PTPRD: variants seen among roughly 807,000 people sequenced by gnomAD.
PTPRD encodes the protein receptor-type tyrosine-protein phosphatase delta.
PTPRD carries 34 observed loss-of-function variants against 214.5 expected under a neutral mutation model. The ratio of observed to expected loss-of-function variants is 0.16; its 90% CI spans 0.12 to 0.21. The LOEUF is 0.21. Ranked by LOEUF, PTPRD falls within the 10% of genes least tolerant of loss-of-function variation. PTPRD has a pLI of 1.00. For missense variants in PTPRD, 2,545 were observed against 2,398.7 expected (o/e 1.06, Z -1.27); for synonymous variants, 1,128 against 845.7 (o/e 1.33, Z -5.79).
chr9:9,157,059 C>T (rs1401348957), intron 10 of PTPRD, among the ~76,000 whole-genome samples: 1 of 152,142 alleles, frequency 6.6e-6, no homozygotes, highest in East Asian at 1.9e-4. Context: ...TATTAATCTC[C>T]ACTCTGTGAC....
chr9:9,010,462 T>C (rs1039924267), intron 11 of PTPRD, among the ~76,000 whole-genome samples: 2 of 152,202 alleles, frequency 1.3e-5, no homozygotes, highest in Non-Finnish European at 2.9e-5. Context: ...TGTGGCTTCT[T>C]GTTAGTTCAG....
chr9:9,069,593 C>G (rs1467507903), intron 10 of PTPRD, among the ~76,000 whole-genome samples: 1 of 152,162 alleles, frequency 6.6e-6, no homozygotes. Flanking sequence ...TGTATTGAGG[C>G]CTTCAAGCCA....
At chr9:9,120,177 G>T (rs533326450) in intron 10 of PTPRD, among the ~76,000 whole-genome samples, 3 of 152,178 alleles carry the variant, frequency 2.0e-5, no homozygotes, top group African/African-American at 7.2e-5. Context: ...CATCTTGAAG[G>T]CTTTTGGAAG....
At chr9:8,613,190 A>G (rs1378142808) in intron 14 of PTPRD, among the ~76,000 whole-genome samples, 1 of 152,170 alleles carries the variant, frequency 6.6e-6, no homozygotes, top group Non-Finnish European at 1.5e-5. Flanking sequence ...GTTACTTTTG[A>G]ATAGACTGAA....
chr9:9,269,518 A>G (rs1468340419), intron 9 of PTPRD, among the ~76,000 whole-genome samples: 1 of 151,498 alleles, frequency 6.6e-6, no homozygotes, highest in Non-Finnish European at 1.5e-5. Context: ...TCTCCTAAAT[A>G]AATAAAATTG....
At chr9:10,162,599 T>A (rs1023165895) in intron 3 of PTPRD, among the ~76,000 whole-genome samples, 1 of 149,682 alleles carries the variant, frequency 6.7e-6, no homozygotes, top group East Asian at 2.0e-4. Flanking sequence ...GAACTAACAG[T>A]TTTATACGTA....
At chr9:9,050,798 T>C (rs2099683600) in intron 10 of PTPRD, among the ~76,000 whole-genome samples, 1 of 152,174 alleles carries the variant, frequency 6.6e-6, no homozygotes, top group African/African-American at 2.4e-5. Context: ...TTATAATTGT[T>C]CTATTTTATT....
chr9:9,988,041 G>A (rs936552407), intron 4 of PTPRD, among the ~76,000 whole-genome samples: 2 of 152,046 alleles, frequency 1.3e-5, no homozygotes, highest in African/African-American at 4.8e-5. Context: ...TTATGCACTT[G>A]TCTGCTTTTA....
At chr9:10,523,948 G>C (rs1264150408) in intron 2 of PTPRD, among the ~76,000 whole-genome samples, 2 of 151,830 alleles carry the variant, frequency 1.3e-5, no homozygotes, top group African/African-American at 4.8e-5. Flanking sequence ...TTAAACAACC[G>C]AAATATATTT....
chr9:8,342,639 G>A (rs930187637), intron 39 of PTPRD, among the ~76,000 whole-genome samples: 2 of 151,958 alleles, frequency 1.3e-5, no homozygotes, highest in African/African-American at 4.8e-5. Flanking sequence ...TCCTTCATTT[G>A]CTACATGCTA....
At chr9:8,842,914 G>A (rs1378083500) in intron 11 of PTPRD, among the ~76,000 whole-genome samples, 2 of 152,250 alleles carry the variant, frequency 1.3e-5, no homozygotes, top group Non-Finnish European at 2.9e-5. Flanking sequence ...CACTTGCTCT[G>A]CGCTGCACAT....
intron 21 of PTPRD, among the ~76,000 whole-genome samples, chr9:8,516,723 T>C (rs1459963447): frequency 1.3e-5 from 2 of 151,638 alleles, no homozygotes; most frequent in Non-Finnish European, 2.9e-5. Flanking sequence ...AAAACATTCG[T>C]AGATTAATGC....
intron 10 of PTPRD, among the ~76,000 whole-genome samples, chr9:9,072,461 T>A (rs1443119537): frequency 1.3e-5 from 2 of 152,204 alleles, no homozygotes; most frequent in African/African-American, 4.8e-5. Flanking sequence ...GCAGATGGCA[T>A]CCTCTGCTAC....
intron 11 of PTPRD, among the ~76,000 whole-genome samples, chr9:8,899,020 T>A (rs1287549894): frequency 1.3e-5 from 2 of 152,178 alleles, no homozygotes; most frequent in African/African-American, 4.8e-5. Context: ...TCATTTTGGA[T>A]TATCTGCATC....
intron 11 of PTPRD, among the ~76,000 whole-genome samples, chr9:8,950,557 C>G (rs1474118230): frequency 6.6e-6 from 1 of 151,566 alleles, no homozygotes; most frequent in Non-Finnish European, 1.5e-5. Context: ...TAACAGAGCT[C>G]TCTGTAATGA....
intron 11 of PTPRD, among the ~76,000 whole-genome samples, chr9:8,812,337 T>A (rs1303270318): frequency 6.6e-6 from 1 of 152,214 alleles, no homozygotes; most frequent in Non-Finnish European, 1.5e-5. Context: ...TGGGTTCTTA[T>A]AGAAAATAAT....
intron 2 of PTPRD, among the ~76,000 whole-genome samples, chr9:10,398,980 C>T (rs2098224310): frequency 6.6e-6 from 1 of 151,958 alleles, no homozygotes; most frequent in East Asian, 1.9e-4. Context: ...TCTCCTAACA[C>T]AGTGTCTGGC....
At chr9:9,203,343 G>T (rs2099942993) in intron 9 of PTPRD, among the ~76,000 whole-genome samples, 1 of 152,096 alleles carries the variant, frequency 6.6e-6, no homozygotes, top group South Asian at 2.1e-4. Context: ...CTGGCATATA[G>T]TAGAGCTTGG....
chr9:9,805,429 T>C (rs2099066828), intron 5 of PTPRD, among the ~76,000 whole-genome samples: 1 of 152,148 alleles, frequency 6.6e-6, no homozygotes, highest in Non-Finnish European at 1.5e-5. Flanking sequence ...CGCAAGGTGA[T>C]TTGACTTCAC....
Sources: gnomAD v4.1 joint callset for allele counts (sites outside exome capture counted in the v4.1 genomes callset) on GRCh38, gnomAD v4.1.1 for gene constraint, MANE v1.5 for transcripts, NCBI Gene and HGNC (gene_info 2026-07-23, HGNC 2026-07-21) for gene names.